TATDN2: variants seen among roughly 807,000 people sequenced by gnomAD.
The protein encoded by TATDN2 is 3'-5' RNA nuclease TATDN2.
Under a neutral mutation model 60.3 loss-of-function variants are expected in TATDN2, and 44 were observed. That is an observed-to-expected ratio of 0.73 (90% confidence interval 0.57 to 0.94). TATDN2 has a LOEUF of 0.94. Among genes scored for constraint, TATDN2 ranks in the 40% least tolerant of loss-of-function variants. The pLI is 0.00. For missense variants in TATDN2, 997 were observed against 948.0 expected, an observed-to-expected ratio of 1.05 and a Z score of -0.68; for synonymous variants, 399 against 355.8, an observed-to-expected ratio of 1.12 and a Z score of -1.37.
chr3:10,278,386 C>T lies in TATDN2; in HGVS notation c.2069C>T (p.Ala690Val), dbSNP rs1190045768. ...AVLTYSSAWE[A>V]REALRQIPLE... is the part of the protein sequence containing the mutation. ...CTGACATACTCCTCTGCCTGGGAGG[C>T]CCGGGAAGCCTTGAGGCAGATCCCA... The change falls in exon 6 of 8, where the codon GCC becomes GTC. Residue 690 changes from alanine (A) to valine (V), a missense_variant. Coordinates refer to ENST00000448281, the MANE Select transcript of TATDN2 (RefSeq NM_014760.4). This position sits in a 1 kb window ranked among gnomAD's most constrained non-coding sequence, Gnocchi z 4.7. 1 of 1,614,074 alleles carries T rather than the reference C, an allele frequency of 6.2e-7. No individual in the cohort carries two copies. The highest frequency in any genetic ancestry group is 1.7e-5 in the Admixed American group (1 of 60,008).
At position 10,279,319 on chromosome 3, in the gene TATDN2, A is replaced by G. The variant is rs1474845685; in HGVS notation, c.*137A>G. On this transcript the variant is annotated 3_prime_UTR_variant, in exon 8 of 8. Coordinates refer to ENST00000448281, the MANE Select transcript of TATDN2 (RefSeq NM_014760.4). The stretch of plus-strand genomic sequence containing the variant: ...TGATTGGAACACAGAAAACCAGGAC[A>G]GGATGTTTTCCTCCAAGCGGGTCAT... The G allele has an allele frequency of 5.6e-6, 1 of 179,750 alleles. No individual in the cohort carries two copies. The highest frequency in any genetic ancestry group is 1.0e-5 in the Non-Finnish European group (1 of 97,202). The allele number at this position is 179,750 out of a possible 1,614,324, so 11.1% of individuals were successfully genotyped here.
intron 2 of TATDN2, among the ~76,000 whole-genome samples, chr3:10,255,867 G>A (rs1205399849): frequency 6.6e-6 from 1 of 152,188 alleles, no homozygotes; most frequent in Non-Finnish European, 1.5e-5. Context: ...ACTTGAACCT[G>A]AGAGGCGGAG....
intron 2 of TATDN2, among the ~76,000 whole-genome samples, chr3:10,252,902 G>GC (rs1698253001): frequency 6.9e-6 from 1 of 145,346 alleles, no homozygotes; most frequent in Non-Finnish European, 1.5e-5. Flanking sequence ...TGTCACCCAG[G>GC]CTGGAGTGCA....
chr3:10,253,947 G>A (rs1459416947), intron 2 of TATDN2, among the ~76,000 whole-genome samples: 1 of 152,214 alleles, frequency 6.6e-6, no homozygotes, highest in Non-Finnish European at 1.5e-5. Flanking sequence ...GGGAGCACCT[G>A]CTCTGTTCTA....
chr3:10,266,690 CTG>C (rs1698479037), intron 3 of TATDN2, among the ~76,000 whole-genome samples: 1 of 152,190 alleles, frequency 6.6e-6, no homozygotes, highest in Non-Finnish European at 1.5e-5. Context: ...ATGGGCCTGA[CTG>C]TATTCCAATG....
chr3:10,272,521 C>T (rs894813511), intron 4 of TATDN2, among the ~76,000 whole-genome samples: 1 of 151,902 alleles, frequency 6.6e-6, no homozygotes, highest in Non-Finnish European at 1.5e-5. Context: ...TCACTGCAGC[C>T]TCCAGTTCCC....
At chr3:10,277,445 T>C (rs1698655382) in intron 5 of TATDN2, among the ~76,000 whole-genome samples, 1 of 152,162 alleles carries the variant, frequency 6.6e-6, no homozygotes. Context: ...GGGCCCATTA[T>C]CATAGCCCAG....
At chr3:10,276,629 C>T (rs1698642283) in intron 5 of TATDN2, 141 bp downstream of exon 5, 6 of 1,251,262 alleles carry the variant, frequency 4.8e-6, no homozygotes, top group African/African-American at 1.5e-5. Context: ...CACCCTGTCG[C>T]CCAGGCTGGA....
chr3:10,265,055 T>TTTTTCCTGTGCGTGGTTTTTTTTTTC (rs1698458488), intron 3 of TATDN2, among the ~76,000 whole-genome samples: 1 of 140,902 alleles, frequency 7.1e-6, no homozygotes, highest in Admixed American at 7.2e-5. Context: ...TTTTTTTTTT[T>TTTTTCCTGTGCGTGGTTTTTTTTTTC]TTTTATTGCT....
intron 3 of TATDN2, among the ~76,000 whole-genome samples, chr3:10,261,532 G>T: frequency 6.6e-6 from 1 of 151,946 alleles, no homozygotes; most frequent in East Asian, 1.9e-4. Context: ...CACCAAACCG[G>T]CTAATTTTTG....
At chr3:10,252,147 CAAAAA>C (rs35469402) in intron 2 of TATDN2, among the ~76,000 whole-genome samples, 4 of 63,286 alleles carry the variant, frequency 6.3e-5, no homozygotes, top group Non-Finnish European at 1.2e-4. Context: ...GACTCAGTCT[CAAAAA>C]AAAAAAAAAA....
At position 10,270,392 on chromosome 3, in the gene TATDN2, G is replaced by A. The variant is rs142076830; in HGVS notation, c.1210G>A (p.Asp404Asn). The A allele has an allele frequency of 9.7e-5, 156 of 1,614,178 alleles. No individual in the cohort carries two copies. The African/African-American group carries it at 1.8e-3, about 19-fold the overall frequency. Reference sequence around the variant, plus strand: ...CCCCTCCACAGGCAGCAGCAGCAACGATGCAGCCCAGGTTGGGAAGAGCAG... The same window carrying A: ...CCCCTCCACAGGCAGCAGCAGCAACAATGCAGCCCAGGTTGGGAAGAGCAG... ...SYPSTGSSSN[D>N]AAQVGKSSRS... The change falls in exon 4 of 8, where the codon GAT becomes AAT. Residue 404 changes from aspartate to asparagine, a missense_variant. Asp to Asn is a conservative substitution (Grantham distance 23, BLOSUM62 1). Coordinates refer to ENST00000448281, the MANE Select transcript of TATDN2 (RefSeq NM_014760.4).
At chr3:10,267,982 A>T (rs566556039) in intron 3 of TATDN2, among the ~76,000 whole-genome samples, 1 of 152,264 alleles carries the variant, frequency 6.6e-6, no homozygotes. Flanking sequence ...ATTTTCTGTT[A>T]TAACCGAGAT....
intron 3 of TATDN2, among the ~76,000 whole-genome samples, chr3:10,267,704 A>G (rs1414047296): frequency 6.6e-6 from 1 of 152,228 alleles, no homozygotes; most frequent in Non-Finnish European, 1.5e-5. Context: ...ATCATATCAC[A>G]TTGAGGCAGT....
intron 2 of TATDN2, among the ~76,000 whole-genome samples, chr3:10,258,157 T>G (rs1163756660): frequency 1.3e-5 from 2 of 151,946 alleles, no homozygotes; most frequent in African/African-American, 4.8e-5. Flanking sequence ...TTTATGATTG[T>G]TTTAAGTTTT....
intron 2 of TATDN2, among the ~76,000 whole-genome samples, chr3:10,258,347 G>T (rs9829065): frequency 0.086 from 13,116 of 151,922 alleles, 723 homozygotes; most frequent in East Asian, 0.26. Context: ...GCATGATCTC[G>T]GCTTACTGCA....
Position 10,248,866 on chromosome 3 carries a change from C to A in TATDN2, c.-208C>A. ...GCTTTATATTGCAAACTGATCAAAG[C>A]GCTTCGTAGCCCCGGAAGCGCTTAG... On this transcript the variant is annotated 5_prime_UTR_variant, in exon 1 of 8. Transcript: ENST00000448281. 3.3e-6 allele frequency: 1 copy of A among 300,946 alleles called. No homozygotes were observed. The highest frequency in any genetic ancestry group is 5.5e-5 in the East Asian group (1 of 18,170). The allele number at this position is 300,946 out of a possible 1,614,324, so 18.6% of individuals were successfully genotyped here.
Position 10,270,636 on chromosome 3 carries a change from G to C in TATDN2, c.1454G>C (p.Ser485Thr). ...CACGCATCCAGCTCCCTGCCAAAGAGCCACCTGGAGCCAAGCCTAGAGGAG... is the reference window on the plus strand; with the variant it reads ...CACGCATCCAGCTCCCTGCCAAAGACCCACCTGGAGCCAAGCCTAGAGGAG... The part of the protein sequence containing the change: ...GGHASSSLPK[S>T]HLEPSLEEGF... Residue 485 changes from serine to threonine, a missense_variant, in exon 4 of 8, where the codon AGC becomes ACC. Physicochemically the swap from Ser to Thr is moderately conservative, Grantham distance 58. Coordinates refer to ENST00000448281, the MANE Select transcript of TATDN2 (RefSeq NM_014760.4). 6.2e-7 allele frequency: 1 copy of C among 1,614,216 alleles called. No individual in the cohort carries two copies. Among genetic ancestry groups the C allele is most frequent in the Non-Finnish European group, 8.5e-7 (1 of 1,180,038 alleles).
At chr3:10,265,417 C>T (rs1698463531) in intron 3 of TATDN2, among the ~76,000 whole-genome samples, 1 of 150,428 alleles carries the variant, frequency 6.6e-6, no homozygotes, top group Non-Finnish European at 1.5e-5. Flanking sequence ...GCGTGGGGCT[C>T]ATGCCTGTAA....
Sources: gnomAD v4.1 joint callset for allele counts (sites outside exome capture counted in the v4.1 genomes callset) on GRCh38, gnomAD v4.1.1 for gene constraint, Gnocchi (gnomAD v3.1) non-coding constraint, MANE v1.5 for transcripts, NCBI Gene and HGNC (gene_info 2026-07-23, HGNC 2026-07-21) for gene names.